ZAP70: variants seen among roughly 807,000 people sequenced by gnomAD.
ZAP70 encodes the protein tyrosine-protein kinase ZAP-70.
ZAP70 carries 27 observed loss-of-function variants against 65.8 expected under a neutral mutation model. That is an observed-to-expected ratio of 0.41 (90% CI 0.30 to 0.57). ZAP70 has a LOEUF of 0.57. Ranked by LOEUF, ZAP70 falls within the 20% of genes least tolerant of loss-of-function variation. The pLI, the probability that ZAP70 is intolerant of heterozygous loss-of-function variation, is 0.28. For synonymous variants in ZAP70, 363 were observed against 360.8 expected (o/e 1.01, Z -0.07); for missense variants, 696 against 870.5 (o/e 0.80, Z 2.52).
intron 2 of ZAP70, among the ~76,000 whole-genome samples, chr2:97,717,352 C>A (rs112641151): frequency 1.1e-3 from 150 of 137,946 alleles, no homozygotes; most frequent in Non-Finnish European, 1.8e-3. Flanking sequence ...GGGGGACATG[C>A]GGAGCCTCTG....
In ZAP70 at chr2:97,724,187, G is replaced by C; in HGVS notation, c.151G>C (p.Val51Leu). Residue 51 changes from valine to leucine, a missense_variant, in exon 3 of 14, where the codon GTG (valine) becomes CTG (leucine). By Grantham distance (32) the Val-to-Leu change is conservative (BLOSUM62 1). Coordinates refer to ENST00000264972, the MANE Select transcript of ZAP70 (RefSeq NM_001079.4). ...GCTGGGCGGCTATGTGCTGTCGCTC[G>C]TGCACGATGTGCGCTTCCACCACTT... ...RSLGGYVLSL[V>L]HDVRFHHFPI... 1 of 1,596,562 alleles carries C rather than the reference G, an allele frequency of 6.3e-7. No individual in the cohort carries two copies. Among genetic ancestry groups the C allele is most frequent in the Non-Finnish European group, 8.5e-7 (1 of 1,173,276 alleles).
Position 97,737,849 on chromosome 2 carries a change from TG to T in ZAP70, c.1579del (p.Val527SerfsTer17). The T allele has an allele frequency of 6.2e-7, 1 of 1,614,090 alleles. No individual in the cohort carries two copies. Among genetic ancestry groups the T allele is most frequent in the Non-Finnish European group, 8.5e-7 (1 of 1,179,980 alleles). On this transcript the variant is annotated frameshift_variant, in exon 12 of 14. Coordinates refer to ENST00000264972, the MANE Select transcript of ZAP70 (RefSeq NM_001079.4). LOFTEE classifies it high-confidence loss of function. This position sits in a 1 kb window ranked among gnomAD's most constrained non-coding sequence, Gnocchi z 5.0. The part of the protein sequence containing the change: ...FSSRSDVWSY[G>X]VTMWEALSYG... ...CCAGCCGCAGCGATGTCTGGAGCTA[TG>T]GGGTCACCATGTGGGAGGCCTTGTC...
chr2:97,743,860 T>C (rs573662715), downstream of ZAP70, among the ~76,000 whole-genome samples: 9 of 152,344 alleles, frequency 5.9e-5, no homozygotes, highest in East Asian at 1.5e-3. Context: ...TGAGAGCCTG[T>C]GCTCTTGGCT....
At chr2:97,718,101 G>T (rs1025124274) in intron 2 of ZAP70, among the ~76,000 whole-genome samples, 1 of 152,202 alleles carries the variant, frequency 6.6e-6, no homozygotes, top group Non-Finnish European at 1.5e-5. Flanking sequence ...GAATGAACAG[G>T]CTCACTGGGG....
intron 2 of ZAP70, among the ~76,000 whole-genome samples, chr2:97,721,501 C>T (rs907382949): frequency 2.0e-5 from 3 of 151,942 alleles, no homozygotes; most frequent in African/African-American, 7.3e-5. Flanking sequence ...GCAAGCTCTG[C>T]CTCCTGGGTT....
At chr2:97,722,004 C>T (rs1199288567) in intron 2 of ZAP70, among the ~76,000 whole-genome samples, 2 of 150,282 alleles carry the variant, frequency 1.3e-5, no homozygotes, top group Non-Finnish European at 3.0e-5. Flanking sequence ...AAGATGGTCT[C>T]GAATGCCTGA....
chr2:97,730,934 A>C (rs1455751763), intron 4 of ZAP70, among the ~76,000 whole-genome samples: 1 of 152,002 alleles, frequency 6.6e-6, no homozygotes, highest in Admixed American at 6.6e-5. Context: ...GTGCACCTGC[A>C]GTCCCAGCTA....
intron 2 of ZAP70, among the ~76,000 whole-genome samples, chr2:97,714,660 G>A (rs1676838372): frequency 1.3e-5 from 2 of 152,220 alleles, no homozygotes; most frequent in Admixed American, 1.3e-4. Context: ...AGGAACAGGA[G>A]TTCATGAGGT....
At position 97,733,032 on chromosome 2, in the gene ZAP70, CG is replaced by C. The variant is rs1559325606; in HGVS notation, c.702+12del. 2 of 1,613,956 alleles carry C rather than the reference CG, an allele frequency of 1.2e-6. No individual in the cohort carries two copies. On this transcript the variant is annotated intron_variant, in intron 5 of 13. Transcript: ENST00000264972. The stretch of plus-strand genomic sequence containing the variant: ...GACACGCTCTGGCAGGTAGGCTGCC[CG>C]TGCAACTTGTTCTGGGAGATGCCGT...
At chr2:97,732,589 G>A (rs1677652775) in intron 4 of ZAP70, 3 of 509,378 alleles carry the variant, frequency 5.9e-6, no homozygotes, top group Admixed American at 3.3e-5. Context: ...CTCCGTGGCT[G>A]GGTGTCCACC....
chr2:97,720,433 T>G (rs1039725798), intron 2 of ZAP70, among the ~76,000 whole-genome samples: 5 of 152,180 alleles, frequency 3.3e-5, no homozygotes, highest in African/African-American at 1.2e-4. Flanking sequence ...TTTCACCATG[T>G]TCGCCAGGCT....
chr2:97,721,747 T>C (rs928777507), intron 2 of ZAP70, among the ~76,000 whole-genome samples: 1 of 151,102 alleles, frequency 6.6e-6, no homozygotes, highest in Admixed American at 6.6e-5. Context: ...TTTCATGTTC[T>C]ATTTGGTGGT....
At chr2:97,733,075 G>C in intron 5 of ZAP70, 50 bp from the exon 6 acceptor site, 3 of 1,613,916 alleles carry the variant, frequency 1.9e-6, no homozygotes, top group South Asian at 2.2e-5. Flanking sequence ...ATGGGGTGCC[G>C]GGCTCTGGGG....
chr2:97,745,498 T>C, the ZAP70 span, among the ~76,000 whole-genome samples: 1 of 152,160 alleles, frequency 6.6e-6, no homozygotes, highest in Middle Eastern at 3.2e-3. Flanking sequence ...CTCAATTAAC[T>C]GGGCAAAAGA....
chr2:97,748,791 A>C, the ZAP70 span, among the ~76,000 whole-genome samples: 1 of 152,138 alleles, frequency 6.6e-6, no homozygotes, highest in East Asian at 1.9e-4. Flanking sequence ...TAAAACGTAC[A>C]GCACCGTAGC....
chr2:97,716,912 G>A (rs1317390984), intron 2 of ZAP70, among the ~76,000 whole-genome samples: 2 of 152,276 alleles, frequency 1.3e-5, no homozygotes, highest in African/African-American at 4.8e-5. Flanking sequence ...CCTGCTTTCC[G>A]GAGGAGGTCT....
At chr2:97,750,831 G>A in the ZAP70 span, among the ~76,000 whole-genome samples, 1 of 152,228 alleles carries the variant, frequency 6.6e-6, no homozygotes, top group Non-Finnish European at 1.5e-5. Context: ...GACTGTCCTT[G>A]ATAACTCTAA....
chr2:97,738,731 A>G (rs767461364), intron 13 of ZAP70, among the ~76,000 whole-genome samples: 1 of 151,856 alleles, frequency 6.6e-6, no homozygotes, highest in African/African-American at 2.4e-5. Flanking sequence ...GCATGCTGAC[A>G]CCCCAACACC....
Position 97,735,361 on chromosome 2 carries a change from C to A in ZAP70, c.1194C>A (p.Ile398=), listed in dbSNP as rs1193493364. 1 of 1,614,138 alleles carries A rather than the reference C, an allele frequency of 6.2e-7. No homozygotes were observed. The highest frequency in any genetic ancestry group is 1.1e-5 in the South Asian group (1 of 91,092). Residue 398 remains isoleucine (I), a synonymous_variant, in exon 10 of 14, where the codon ATC becomes ATA. Coordinates refer to ENST00000264972, the MANE Select transcript of ZAP70 (RefSeq NM_001079.4). ...TGCACCAGCTGGACAACCCCTACAT[C>A]GTGCGGCTCATTGGCGTCTGCCAGG... ...QIMHQLDNPY[I]VRLIGVCQAE...
Sources: gnomAD v4.1 joint callset for allele counts (sites outside exome capture counted in the v4.1 genomes callset) on GRCh38, gnomAD v4.1.1 for gene constraint, Gnocchi (gnomAD v3.1) non-coding constraint, MANE v1.5 for transcripts, NCBI Gene and HGNC (gene_info 2026-07-23, HGNC 2026-07-21) for gene names.